Variants in ADAM9 observed in about 807,000 individuals in gnomAD.
ADAM9 encodes the protein disintegrin and metalloproteinase domain-containing protein 9.
ADAM9 carries 54 observed loss-of-function variants against 108.1 expected under a neutral mutation model. The ratio of observed to expected loss-of-function variants is 0.50; its 90% CI spans 0.40 to 0.63. The LOEUF is 0.63. ADAM9 is among the 20% of genes least tolerant of loss of function. The pLI, the probability that ADAM9 is intolerant of heterozygous loss-of-function variation, is 0.00. For missense variants in ADAM9, 830 were observed against 997.7 expected (o/e 0.83, Z 2.26); for synonymous variants, 316 against 336.0 (o/e 0.94, Z 0.65).
chr8:39,045,022 G>A (rs1837593237), intron 12 of ADAM9, among the ~76,000 whole-genome samples: 1 of 131,274 alleles, frequency 7.6e-6, no homozygotes, highest in Admixed American at 7.3e-5. Flanking sequence ...ATGTGTATGT[G>A]TGTGTGCATA....
intron 20 of ADAM9, among the ~76,000 whole-genome samples, chr8:39,092,899 C>T (rs931339815): frequency 4.6e-5 from 7 of 152,228 alleles, no homozygotes; most frequent in Admixed American, 1.3e-4. Flanking sequence ...TTGGCACCTT[C>T]GTTGAAGATT....
intron 11 of ADAM9, among the ~76,000 whole-genome samples, chr8:39,028,449 T>C (rs1332658156): frequency 6.6e-6 from 1 of 152,182 alleles, no homozygotes; most frequent in Non-Finnish European, 1.5e-5. Flanking sequence ...AGGATTTGCT[T>C]TGGCCAGCAG....
At chr8:39,055,464 A>T in intron 13 of ADAM9, 113 bp from the exon 14 acceptor site, 2 of 1,066,800 alleles carry the variant, frequency 1.9e-6, no homozygotes, top group Non-Finnish European at 2.8e-6. Flanking sequence ...GGGTTATTTA[A>T]TCTTTTGCTA....
At chr8:38,999,137 A>G (rs1397617634) in intron 1 of ADAM9, among the ~76,000 whole-genome samples, 1 of 152,086 alleles carries the variant, frequency 6.6e-6, no homozygotes, top group African/African-American at 2.4e-5. Flanking sequence ...AGCTGACCAC[A>G]TTTTTGCAGT....
At chr8:39,024,347 A>C (rs2129434162) in intron 9 of ADAM9, among the ~76,000 whole-genome samples, 1 of 152,124 alleles carries the variant, frequency 6.6e-6, no homozygotes, top group South Asian at 2.1e-4. Context: ...TGTCAAGCAT[A>C]CTCACTATGC....
At chr8:39,070,001 AAATT>A in intron 14 of ADAM9, among the ~76,000 whole-genome samples, 1 of 150,804 alleles carries the variant, frequency 6.6e-6, no homozygotes, top group Non-Finnish European at 1.5e-5. Flanking sequence ...AAAAAAAAAA[AAATT>A]AGTCAAGTGT....
intron 1 of ADAM9, among the ~76,000 whole-genome samples, chr8:38,997,542 A>T (rs1013624627): frequency 6.6e-6 from 1 of 152,202 alleles, no homozygotes; most frequent in Non-Finnish European, 1.5e-5. Context: ...GCGGGCGTTC[A>T]GTCCTCCAAA....
At chr8:39,050,830 G>GTTT (rs58115667) in intron 12 of ADAM9, among the ~76,000 whole-genome samples, 18 of 85,214 alleles carry the variant, frequency 2.1e-4, no homozygotes, top group South Asian at 4.6e-4. Context: ...GCTTGGAAGT[G>GTTT]TTTTTTTTTT....
At chr8:39,011,053 A>G (rs985223444) in intron 2 of ADAM9, among the ~76,000 whole-genome samples, 1 of 150,902 alleles carries the variant, frequency 6.6e-6, no homozygotes, top group African/African-American at 2.5e-5. Context: ...AGATTGTGCC[A>G]CTGCATTCCA....
intron 20 of ADAM9, among the ~76,000 whole-genome samples, chr8:39,091,675 C>CG (rs753203953): frequency 6.6e-6 from 1 of 152,076 alleles, no homozygotes; most frequent in Non-Finnish European, 1.5e-5. Context: ...TTCATAGAGA[C>CG]GGGGTCTCAC....
intron 16 of ADAM9, 58 bp from the exon 17 acceptor site, chr8:39,082,583 T>G (rs1490503375): frequency 6.5e-6 from 9 of 1,383,050 alleles, no homozygotes; most frequent in Non-Finnish European, 9.2e-6. Flanking sequence ...TTTTTCTGGG[T>G]ACTTTTTAAT....
At chr8:39,066,322 G>A (rs1295750028) in intron 14 of ADAM9, among the ~76,000 whole-genome samples, 6 of 152,132 alleles carry the variant, frequency 3.9e-5, no homozygotes, top group African/African-American at 1.4e-4. Flanking sequence ...TTGAGGAATC[G>A]CCACACTGTC....
At chr8:39,012,222 T>G (rs553818519) in intron 3 of ADAM9, among the ~76,000 whole-genome samples, 1 of 152,298 alleles carries the variant, frequency 6.6e-6, no homozygotes, top group East Asian at 1.9e-4. Flanking sequence ...AGGCATCATA[T>G]TTTCTGGGGA....
Position 39,058,772 on chromosome 8 carries a change from A to G in ADAM9, c.1591+3000A>G, listed in dbSNP as rs1466549843. Among the ~76,000 whole-genome samples, 3 of 152,210 alleles carry G rather than the reference A, an allele frequency of 2.0e-5. No individual in the cohort carries two copies. In the South Asian group the frequency reaches 6.2e-4, roughly 32 times the overall value. On this transcript the variant is annotated intron_variant, in intron 14 of 21. Coordinates refer to ENST00000487273, the MANE Select transcript of ADAM9 (RefSeq NM_003816.3). ...TTGGAACTAAGGCCTCTAGTCCAGT[A>G]GAGCATAAGGTCGTGGGAACAGGAA...
intron 3 of ADAM9, among the ~76,000 whole-genome samples, chr8:39,013,275 A>G (rs980225655): frequency 2.0e-5 from 3 of 152,062 alleles, no homozygotes; most frequent in Non-Finnish European, 4.4e-5. Context: ...AGTGTAAAAA[A>G]CCATTTATTT....
At chr8:39,020,759 T>C (rs1370317692) in intron 7 of ADAM9, among the ~76,000 whole-genome samples, 5 of 152,240 alleles carry the variant, frequency 3.3e-5, no homozygotes, top group Non-Finnish European at 5.9e-5. Flanking sequence ...ATTTTCTGTA[T>C]GTCACTTCGT....
At chr8:39,017,047 C>A in intron 5 of ADAM9, 172 bp from the exon 6 acceptor site, 1 of 677,958 alleles carries the variant, frequency 1.5e-6, no homozygotes, top group Non-Finnish European at 2.5e-6. Flanking sequence ...TTTGAGCTTT[C>A]AATTTAGGTC....
intron 14 of ADAM9, among the ~76,000 whole-genome samples, chr8:39,066,532 T>G (rs1342414813): frequency 6.6e-6 from 1 of 152,270 alleles, no homozygotes; most frequent in Admixed American, 6.5e-5. Flanking sequence ...ATGTGTCTGT[T>G]GGCTTCATAA....
chr8:39,067,759 T>G (rs1838532532), intron 14 of ADAM9, among the ~76,000 whole-genome samples: 1 of 152,214 alleles, frequency 6.6e-6, no homozygotes, highest in Non-Finnish European at 1.5e-5. Flanking sequence ...CTGATTGCCC[T>G]GGCCAGAACT....
Sources: gnomAD v4.1 joint callset for allele counts (sites outside exome capture counted in the v4.1 genomes callset) on GRCh38, gnomAD v4.1.1 for gene constraint, MANE v1.5 for transcripts, NCBI Gene and HGNC (gene_info 2026-07-23, HGNC 2026-07-21) for gene names.